The following COL22A1 variants were observed in gnomAD, a reference collection of about 807,000 sequenced individuals.
COL22A1 encodes the protein collagen type XXII alpha 1 chain.
In COL22A1, 221 loss-of-function variants were observed where a neutral mutation model predicts 248.9. That is an observed-to-expected ratio of 0.89 (90% CI 0.80 to 0.99). The LOEUF (loss-of-function observed/expected upper bound fraction) is 0.99. COL22A1 is among the 50% of genes least tolerant of loss of function. The probability of loss-of-function intolerance (pLI) is 0.00; values close to 1 mark genes in which losing one functional copy is unlikely to be tolerated. For synonymous variants in COL22A1, 891 were observed against 793.4 expected (o/e 1.12, Z -2.07); for missense variants, 2,240 against 2,179.0 (o/e 1.03, Z -0.56).
intron 34 of COL22A1, among the ~76,000 whole-genome samples, chr8:138,694,280 T>C (rs569784462): frequency 1.3e-5 from 2 of 152,276 alleles, no homozygotes; most frequent in South Asian, 2.1e-4. Context: ...AACCCTTTAG[T>C]GACAGAGTAG....
chr8:138,692,087 C>T (rs1056190232), intron 35 of COL22A1, among the ~76,000 whole-genome samples: 1 of 76,392 alleles, frequency 1.3e-5, no homozygotes, highest in African/African-American at 5.5e-5. Flanking sequence ...TATGTGTATA[C>T]GTGCATGTGT....
intron 16 of COL22A1, among the ~76,000 whole-genome samples, chr8:138,770,367 T>C (rs1206904643): frequency 6.6e-6 from 1 of 152,196 alleles, no homozygotes; most frequent in Non-Finnish European, 1.5e-5. Flanking sequence ...GACAGCCCAC[T>C]CGGGCTCCGC....
At chr8:138,766,388 G>A (rs555426372) in intron 16 of COL22A1, among the ~76,000 whole-genome samples, 7 of 152,122 alleles carry the variant, frequency 4.6e-5, no homozygotes, top group Admixed American at 2.0e-4. Context: ...TAGCAGGGGC[G>A]AGAGGAATGA....
At chr8:138,805,487 G>A (rs1817468251) in intron 10 of COL22A1, among the ~76,000 whole-genome samples, 1 of 147,974 alleles carries the variant, frequency 6.8e-6, no homozygotes, top group Non-Finnish European at 1.5e-5. Flanking sequence ...GGGATGGCAT[G>A]TGATGGTGTG....
At chr8:138,885,598 T>C (rs1482253144) in intron 1 of COL22A1, among the ~76,000 whole-genome samples, 2 of 152,198 alleles carry the variant, frequency 1.3e-5, no homozygotes, top group African/African-American at 4.8e-5. Context: ...TTTGTTTTTT[T>C]CTGATGGAGT....
intron 21 of COL22A1, among the ~76,000 whole-genome samples, chr8:138,752,168 G>A (rs528766010): frequency 6.6e-6 from 1 of 152,134 alleles, no homozygotes; most frequent in South Asian, 2.1e-4. Flanking sequence ...GGGTTCTAAA[G>A]CTGGGGCACA....
At chr8:138,616,886 G>T (rs761985893) in intron 54 of COL22A1, 28 bp downstream of exon 54, 61 of 1,613,722 alleles carry the variant, frequency 3.8e-5, no homozygotes, top group Non-Finnish European at 5.2e-5. Context: ...CCACCTGGGG[G>T]GACCTCCAAA....
chr8:138,694,193 G>C (rs570640206), intron 34 of COL22A1, among the ~76,000 whole-genome samples: 1 of 152,216 alleles, frequency 6.6e-6, no homozygotes, highest in African/African-American at 2.4e-5. Flanking sequence ...CCCCCTATGT[G>C]CAGAGGCCCT....
chr8:138,787,394 A>T (rs1312540819), intron 12 of COL22A1, among the ~76,000 whole-genome samples: 3 of 152,234 alleles, frequency 2.0e-5, no homozygotes, highest in Non-Finnish European at 4.4e-5. Context: ...TTAACAGAGC[A>T]GAACAGACTC....
At chr8:138,744,690 G>A (rs916377571) in intron 22 of COL22A1, among the ~76,000 whole-genome samples, 15 of 152,236 alleles carry the variant, frequency 9.9e-5, no homozygotes, top group Non-Finnish European at 4.4e-5. Context: ...GAGAGTCCTT[G>A]TGGGAATTAA....
intron 16 of COL22A1, among the ~76,000 whole-genome samples, chr8:138,770,095 G>T (rs1021572899): frequency 1.3e-5 from 2 of 152,132 alleles, no homozygotes; most frequent in Admixed American, 6.5e-5. Flanking sequence ...CACTGGTGGA[G>T]GCCAACCAGG....
At chr8:138,628,760 CTTTTTTTT>C (rs56318714) in intron 50 of COL22A1, among the ~76,000 whole-genome samples, 2 of 124,304 alleles carry the variant, frequency 1.6e-5, no homozygotes, top group East Asian at 4.6e-4. Flanking sequence ...AGATCCACAT[CTTTTTTTT>C]TTTTTTTTTT....
At chr8:138,766,318 C>A (rs770647448) in intron 16 of COL22A1, among the ~76,000 whole-genome samples, 9 of 152,092 alleles carry the variant, frequency 5.9e-5, no homozygotes, top group South Asian at 2.1e-4. Context: ...GCACTGCTGG[C>A]CGGCATGTGA....
rs768407589 is a variant in COL22A1 at position 138,591,478 on chromosome 8, G to A, written c.4639C>T (p.Pro1547Ser). Residue 1547 changes from proline (P) to serine (S), a missense_variant, in exon 64 of 65, where the codon CCA becomes TCA. Physicochemically the swap from Pro to Ser is moderately conservative, Grantham distance 74. Coordinates refer to ENST00000303045, the MANE Select transcript of COL22A1 (RefSeq NM_152888.3). Reference sequence around the variant, plus strand: ...CGGAGGCCAACTCCAGGTGCACCTGGGTCACCTTTGGCTCCTCGCTCACCT... The same window carrying A: ...CGGAGGCCAACTCCAGGTGCACCTGAGTCACCTTTGGCTCCTCGCTCACCT... Reference protein sequence around the residue: ...PKGERGAKGDPGAPGVGLRGE... With the variant: ...PKGERGAKGDSGAPGVGLRGE... 10 of 1,573,014 alleles carry A rather than the reference G, an allele frequency of 6.4e-6. No homozygotes were observed. The South Asian group carries it at 1.1e-4, about 17-fold the overall frequency.
chr8:138,700,705 T>C (rs1465343221), intron 31 of COL22A1, among the ~76,000 whole-genome samples: 4 of 152,192 alleles, frequency 2.6e-5, no homozygotes, highest in East Asian at 3.9e-4. Context: ...TAAGGCTAGG[T>C]CGGGCGCGGT....
chr8:138,728,371 A>G (rs1024579072), intron 23 of COL22A1, among the ~76,000 whole-genome samples: 3 of 152,096 alleles, frequency 2.0e-5, no homozygotes, highest in African/African-American at 7.2e-5. Context: ...CCCCAAGCCC[A>G]CAGAGCATAT....
At chr8:138,871,787 T>C (rs535025912) in intron 3 of COL22A1, among the ~76,000 whole-genome samples, 12 of 152,354 alleles carry the variant, frequency 7.9e-5, no homozygotes, top group African/African-American at 2.2e-4. Flanking sequence ...TTCCCAACTA[T>C]ATATATAAGT....
In COL22A1 at chr8:138,779,845, A is replaced by G. The variant is rs1441103193; in HGVS notation, c.1651-283T>C. Among the ~76,000 whole-genome samples the G allele has an allele frequency of 2.0e-5, 3 of 152,154 alleles. No individual in the cohort carries two copies. The East Asian group carries it at 5.8e-4, about 29-fold the overall frequency. The stretch of plus-strand genomic sequence containing the variant: ...GGCACGATCATAGCTCACTCATTAT[A>G]ACTTCAAAATACTTGGCTCAAGTGA... On this transcript the variant is annotated intron_variant, in intron 13 of 64. Transcript: ENST00000303045.
chr8:138,758,541 A>T (rs1833211292), intron 18 of COL22A1, among the ~76,000 whole-genome samples: 1 of 152,254 alleles, frequency 6.6e-6, no homozygotes, highest in Non-Finnish European at 1.5e-5. Flanking sequence ...CTTGGTCAAT[A>T]ATCAGATTCA....
Sources: allele counts gnomAD v4.1 joint callset (sites outside exome capture counted in the v4.1 genomes callset), GRCh38; gene constraint gnomAD v4.1.1; transcripts MANE v1.5; gene names NCBI Gene and HGNC (gene_info 2026-07-23, HGNC 2026-07-21).